CERS6: variants seen among roughly 807,000 people sequenced by gnomAD.
CERS6 encodes the protein LAG1 homolog, ceramide synthase 6.
CERS6 carries 26 observed loss-of-function variants against 56.8 expected under a neutral mutation model. That is an observed-to-expected ratio of 0.46 (90% CI 0.34 to 0.63). The LOEUF is 0.63. Ranked by LOEUF, CERS6 falls within the 30% of genes least tolerant of loss-of-function variation. CERS6 has a pLI of 0.01. For synonymous variants in CERS6, 164 were observed against 173.3 expected (o/e 0.95, Z 0.42); for missense variants, 415 against 467.5 (o/e 0.89, Z 1.04).
chr2:168,578,191 C>A (rs1306834314), intron 3 of CERS6, among the ~76,000 whole-genome samples: 2 of 146,812 alleles, frequency 1.4e-5, no homozygotes, highest in South Asian at 4.3e-4. Flanking sequence ...TTTTTTTAAT[C>A]ATTTCCACAT....
intron 3 of CERS6, among the ~76,000 whole-genome samples, chr2:168,604,781 C>T (rs116344396): frequency 0.019 from 2,857 of 152,212 alleles, 129 homozygotes; most frequent in East Asian, 0.18. Flanking sequence ...TTTTTGAGGT[C>T]TCCCCAGAAG....
intron 3 of CERS6, among the ~76,000 whole-genome samples, chr2:168,597,183 G>C (rs6759728): frequency 6.6e-6 from 1 of 152,040 alleles, no homozygotes; most frequent in Non-Finnish European, 1.5e-5. Context: ...CAAGACATAG[G>C]GTTTTATTGG....
chr2:168,594,749 C>T (rs186899671), intron 3 of CERS6, among the ~76,000 whole-genome samples: 1 of 152,286 alleles, frequency 6.6e-6, no homozygotes, highest in Admixed American at 6.5e-5. Context: ...TATTCTTTCT[C>T]ACGTGAATCT....
intron 6 of CERS6, among the ~76,000 whole-genome samples, chr2:168,704,692 CA>C (rs1310898996): frequency 3.3e-5 from 5 of 152,144 alleles, no homozygotes; most frequent in Non-Finnish European, 7.3e-5. Context: ...CTGCAACCTC[CA>C]CCTCCCGGGT....
intron 1 of CERS6, among the ~76,000 whole-genome samples, chr2:168,527,881 A>C (rs557389926): frequency 6.6e-6 from 1 of 151,962 alleles, no homozygotes; most frequent in African/African-American, 2.4e-5. Context: ...CCACCACACC[A>C]GGCTAATTTT....
At chr2:168,518,650 G>T (rs1694924759) in intron 1 of CERS6, among the ~76,000 whole-genome samples, 1 of 152,094 alleles carries the variant, frequency 6.6e-6, no homozygotes, top group Admixed American at 6.5e-5. Context: ...GTGATCCCTT[G>T]GTTTCAACCA....
chr2:168,500,515 C>A (rs1349454695), intron 1 of CERS6, among the ~76,000 whole-genome samples: 3 of 152,124 alleles, frequency 2.0e-5, no homozygotes, highest in Non-Finnish European at 2.9e-5. Context: ...TCCAGTGTTT[C>A]CTCTGGTGGC....
chr2:168,657,330 A>G (rs978438899), intron 4 of CERS6, among the ~76,000 whole-genome samples: 1 of 152,256 alleles, frequency 6.6e-6, no homozygotes, highest in African/African-American at 2.4e-5. Flanking sequence ...GCTAGATATA[A>G]AGACTCTCCA....
intron 1 of CERS6, among the ~76,000 whole-genome samples, chr2:168,524,364 A>G (rs531747446): frequency 1.3e-5 from 2 of 152,320 alleles, no homozygotes; most frequent in East Asian, 3.9e-4. Flanking sequence ...TAATTTTGCT[A>G]TATAGGAAGA....
chr2:168,610,104 A>G (rs1229138894), intron 3 of CERS6, among the ~76,000 whole-genome samples: 1 of 149,064 alleles, frequency 6.7e-6, no homozygotes, highest in Non-Finnish European at 1.5e-5. Flanking sequence ...CAGCCTCCCA[A>G]GTAGCTGGGA....
At chr2:168,744,141 G>T (rs1574212818) in intron 8 of CERS6, among the ~76,000 whole-genome samples, 1 of 151,184 alleles carries the variant, frequency 6.6e-6, no homozygotes, top group East Asian at 1.9e-4. Context: ...GAGTAGCTGG[G>T]ACTACAGGCA....
At chr2:168,513,234 C>T (rs1190055094) in intron 1 of CERS6, among the ~76,000 whole-genome samples, 9 of 152,190 alleles carry the variant, frequency 5.9e-5, no homozygotes, top group African/African-American at 2.2e-4. Flanking sequence ...CTAATTATTT[C>T]CTATATTGTT....
chr2:168,729,578 G>C (rs1395277849), intron 8 of CERS6, among the ~76,000 whole-genome samples: 2 of 152,146 alleles, frequency 1.3e-5, no homozygotes, highest in African/African-American at 4.8e-5. Context: ...AACCATCCCA[G>C]AAACCTTCCC....
At chr2:168,521,849 G>T (rs1694988258) in intron 1 of CERS6, among the ~76,000 whole-genome samples, 1 of 152,182 alleles carries the variant, frequency 6.6e-6, no homozygotes, top group Non-Finnish European at 1.5e-5. Context: ...AAACCTTCAG[G>T]CCCTAAGGGG....
chr2:168,582,357 A>G (rs74447006), intron 3 of CERS6, among the ~76,000 whole-genome samples: 1 of 152,132 alleles, frequency 6.6e-6, no homozygotes, highest in Non-Finnish European at 1.5e-5. Flanking sequence ...GTGGTGTTCT[A>G]CTTAGGTCTC....
intron 3 of CERS6, among the ~76,000 whole-genome samples, chr2:168,622,853 T>C (rs1249754259): frequency 6.6e-6 from 1 of 152,238 alleles, no homozygotes; most frequent in African/African-American, 2.4e-5. Context: ...TAACATCTTT[T>C]CCCCTAGCTA....
intron 1 of CERS6, among the ~76,000 whole-genome samples, chr2:168,491,378 T>A (rs1336144421): frequency 1.3e-5 from 2 of 152,242 alleles, no homozygotes; most frequent in Non-Finnish European, 2.9e-5. Context: ...AGTGACAGTC[T>A]TGGCTTCTTT....
intron 1 of CERS6, among the ~76,000 whole-genome samples, chr2:168,536,300 T>C (rs1484692554): frequency 6.6e-6 from 1 of 152,216 alleles, no homozygotes; most frequent in African/African-American, 2.4e-5. Context: ...TCTTAGAGAA[T>C]AGTCCCAGTA....
At chr2:168,464,239 C>G (rs1397228455) in intron 1 of CERS6, among the ~76,000 whole-genome samples, 2 of 150,096 alleles carry the variant, frequency 1.3e-5, no homozygotes, top group Non-Finnish European at 3.0e-5. Flanking sequence ...GTTCCCCAGG[C>G]TGGAGTGCAG....
Sources: allele counts gnomAD v4.1 joint callset (sites outside exome capture counted in the v4.1 genomes callset), GRCh38; gene constraint gnomAD v4.1.1; transcripts MANE v1.5; gene names NCBI Gene and HGNC (gene_info 2026-07-23, HGNC 2026-07-21).